Variants in SIGLEC12 observed in about 807,000 individuals in gnomAD.
SIGLEC12 encodes sialic acid-binding Ig-like lectin 12.
Under a neutral mutation model 54.1 loss-of-function variants are expected in SIGLEC12, and 43 were observed. The observed-to-expected ratio is 0.80, with a 90% CI of 0.62 to 1.03. SIGLEC12 has a LOEUF of 1.03. SIGLEC12 is among the 50% of genes least tolerant of loss of function. The probability of loss-of-function intolerance (pLI) is 0.00; values close to 1 mark genes in which losing one functional copy is unlikely to be tolerated. For missense variants in SIGLEC12, 802 were observed against 735.2 expected, an observed-to-expected ratio of 1.09 and a Z score of -1.05; for synonymous variants, 357 against 307.6, an observed-to-expected ratio of 1.16 and a Z score of -1.68.
intron 1 of SIGLEC12, among the ~76,000 whole-genome samples, chr19:51,500,945 G>A (rs991538277): frequency 5.9e-5 from 9 of 152,126 alleles, no homozygotes; most frequent in South Asian, 2.1e-4. Context: ...TAATTGTCTC[G>A]CTGCATGGGT....
chr19:51,501,599 G>A lies in SIGLEC12; in HGVS notation c.135C>T (p.Ser45=). The stretch of plus-strand genomic sequence containing the variant: ...TCCAGCCATTTTGGGGGTAGGAGAA[G>A]GAGCAAAGCACAGAGACACACAGGC... ...QEGLCVSVLC[S]FSYPQNGWTA... is the part of the protein sequence containing the mutation. The change falls in exon 1 of 8, where the codon TCC becomes TCT. Residue 45 remains serine (S), a synonymous_variant. Transcript: ENST00000291707. 1 of 1,614,096 alleles carries A rather than the reference G, an allele frequency of 6.2e-7. No individual in the cohort carries two copies. Among genetic ancestry groups the A allele is most frequent in the Non-Finnish European group, 8.5e-7 (1 of 1,179,976 alleles).
At chr19:51,499,845 T>G (rs1990344568) in intron 2 of SIGLEC12, 75 bp downstream of exon 2, 2 of 1,548,852 alleles carry the variant, frequency 1.3e-6, no homozygotes, top group Non-Finnish European at 1.7e-6. Context: ...CCTCCCAGGA[T>G]GGGGGTCCCA....
In SIGLEC12 at chr19:51,497,354, G is replaced by T. The variant is rs774896262; in HGVS notation, c.1497C>A (p.Phe499Leu). The T allele has an allele frequency of 6.2e-7, 1 of 1,612,996 alleles. No homozygotes were observed. The highest frequency in any genetic ancestry group is 2.2e-5 in the East Asian group (1 of 44,852). Residue 499 changes from phenylalanine (F) to leucine (L), a missense_variant, in exon 6 of 8, where the codon TTC becomes TTA. By Grantham distance (22) the Phe-to-Leu change is conservative. Coordinates refer to ENST00000291707, the MANE Select transcript of SIGLEC12 (RefSeq NM_053003.4). ...ALVFLYFCII[F>L]VVVRSCRKKS... ...TCCCCAGGGTCAATGCTCACACAAC[G>T]AAGATGATGCAGAAGTACAGGAAGA... is the stretch of plus-strand genomic sequence containing the variant.
intron 7 of SIGLEC12, among the ~76,000 whole-genome samples, chr19:51,496,152 T>A (rs1256174571): frequency 1.3e-5 from 2 of 152,120 alleles, no homozygotes; most frequent in African/African-American, 4.8e-5. Context: ...ACACAATATT[T>A]AAAAAATCAA....
At chr19:51,491,869 G>A in intron 7 of SIGLEC12, 40 bp from the exon 8 acceptor site, 1 of 1,468,804 alleles carries the variant, frequency 6.8e-7, no homozygotes, top group Non-Finnish European at 9.1e-7. Flanking sequence ...CAGAGCAGTG[G>A]GGCCAGCATG....
chr19:51,499,272 C>G (rs774857515), intron 3 of SIGLEC12, 55 bp from the exon 4 acceptor site: 3 of 1,604,652 alleles, frequency 1.9e-6, no homozygotes, highest in South Asian at 2.2e-5. Flanking sequence ...GACACTGACC[C>G]TGTCTCCCCA....
rs1990350506 is a variant in SIGLEC12, at chr19:51,500,035, G to A, written c.693C>T (p.Cys231=). ...LLLGDPQTNN[C]SLSIRDARKG... ...TCCTGGCATCTCTGATGCTCAGGGA[G>A]CAGTTGTTGGTCTGTGGGTCCCCAA... Residue 231 remains cysteine (C), a synonymous_variant, in exon 2 of 8, where the codon TGC becomes TGT. Transcript: ENST00000291707. 1 of 1,614,062 alleles carries A rather than the reference G, an allele frequency of 6.2e-7. No individual in the cohort carries two copies. Among genetic ancestry groups the A allele is most frequent in the South Asian group, 1.1e-5 (1 of 91,086 alleles).
At chr19:51,492,500 G>A (rs949850619) in intron 7 of SIGLEC12, among the ~76,000 whole-genome samples, 1 of 152,110 alleles carries the variant, frequency 6.6e-6, no homozygotes, top group Admixed American at 6.6e-5. Context: ...AAATGTCCAT[G>A]CCCTAATCCC....
rs770457851 is a variant in SIGLEC12, at chr19:51,496,901, A to G, written c.1578T>C (p.Ala526=). Residue 526 remains alanine (A), a synonymous_variant, in exon 7 of 8, where the codon GCT becomes GCC. Transcript: ENST00000291707. The part of the protein sequence containing the change: ...VGDTGMEDAN[A]VRGSASQGPL... Reference sequence around the variant, plus strand: ...TCACCTGAGAGGCTGAGCCCCTGACAGCGTTTGCGTCCTCCATGCCTGTAT... The same window carrying G: ...TCACCTGAGAGGCTGAGCCCCTGACGGCGTTTGCGTCCTCCATGCCTGTAT... 1.8e-5 allele frequency: 29 copies of G among 1,614,068 alleles called. No individual in the cohort carries two copies. Among genetic ancestry groups the G allele is most frequent in the Middle Eastern group, 1.7e-4 (1 of 5,972 alleles).
intron 7 of SIGLEC12, among the ~76,000 whole-genome samples, chr19:51,496,419 C>T (rs375064043): frequency 3.1e-4 from 47 of 152,038 alleles, no homozygotes; most frequent in Non-Finnish European, 5.7e-4. Context: ...GAGCTGAGAT[C>T]GCACCATCGC....
At chr19:51,496,716 G>C (rs1354280246) in intron 7 of SIGLEC12, among the ~76,000 whole-genome samples, 164 bp downstream of exon 7, 1 of 152,148 alleles carries the variant, frequency 6.6e-6, no homozygotes, top group African/African-American at 2.4e-5. Flanking sequence ...GGGTCAGGAT[G>C]GGATGGGGAG....
intron 7 of SIGLEC12, among the ~76,000 whole-genome samples, chr19:51,493,967 A>G (rs1262564361): frequency 6.6e-6 from 1 of 152,210 alleles, no homozygotes; most frequent in African/African-American, 2.4e-5. Context: ...ACACAGGCTC[A>G]ACTTCTCCAA....
Position 51,500,275 on chromosome 19 carries a change from G to C in SIGLEC12, c.453C>G (p.Tyr151Ter). The change falls in exon 2 of 8, where the codon TAC becomes TAG. Residue 151 changes from tyrosine to a stop codon, truncating the protein, a stop_gained. Transcript: ENST00000291707. LOFTEE classifies it high-confidence loss of function. Reference sequence around the variant, plus strand: ...TCACCGACTCTGGCACCTCCAGCCTGTATCTTGACAGTAGGTCCTGGGACG... The same window carrying C: ...TCACCGACTCTGGCACCTCCAGCCTCTATCTTGACAGTAGGTCCTGGGACG... ...VTASQDLLSRYRLEVPESVTV... is the reference protein window; with the variant it reads ...VTASQDLLSR The C allele has an allele frequency of 6.2e-7, 1 of 1,614,214 alleles. No homozygotes were observed. Among genetic ancestry groups the C allele is most frequent in the East Asian group, 2.2e-5 (1 of 44,880 alleles).
intron 1 of SIGLEC12, 79 bp from the exon 2 acceptor site, chr19:51,500,379 A>G (rs1990364926): frequency 5.0e-6 from 8 of 1,610,566 alleles, no homozygotes; most frequent in Middle Eastern, 1.7e-4. Flanking sequence ...AGCATCTCTG[A>G]GGCAGAGGCT....
chr19:51,496,850 G>A, intron 7 of SIGLEC12, 30 bp downstream of exon 7: 6 of 1,610,424 alleles, frequency 3.7e-6, no homozygotes, highest in African/African-American at 1.3e-5. Flanking sequence ...GAAAGCAGGG[G>A]AGAAGGGCTG....
chr19:51,492,525 T>A (rs1413916037), intron 7 of SIGLEC12, among the ~76,000 whole-genome samples: 3 of 152,172 alleles, frequency 2.0e-5, no homozygotes, highest in Non-Finnish European at 4.4e-5. Flanking sequence ...AACCTGTTGA[T>A]CTGTTACCTT....
chr19:51,492,051 T>C (rs1245919922), intron 7 of SIGLEC12, among the ~76,000 whole-genome samples: 1 of 152,192 alleles, frequency 6.6e-6, no homozygotes, highest in Non-Finnish European at 1.5e-5. Context: ...AGTAAGATAT[T>C]ATTATTGTCT....
In SIGLEC12 at chr19:51,499,963, C is replaced by T; in HGVS notation, c.765G>A (p.Arg255=). The T allele has an allele frequency of 1.2e-6, 2 of 1,613,976 alleles. No homozygotes were observed. Among genetic ancestry groups the T allele is most frequent in the Non-Finnish European group, 1.7e-6 (2 of 1,179,920 alleles). The change falls in exon 2 of 8, where the codon AGG becomes AGA. Residue 255 remains arginine (R), a synonymous_variant. Coordinates refer to ENST00000291707, the MANE Select transcript of SIGLEC12 (RefSeq NM_053003.4). ...GCTTGTCATATATGTAGTTCCATTT[C>T]CTGCTTCCTCTCTCCACCTGGAAGT... ...KYYFQVERGS[R]KWNYIYDKLS...
intron 4 of SIGLEC12, 132 bp from the exon 5 acceptor site, chr19:51,498,419 G>C: frequency 6.9e-6 from 5 of 722,418 alleles, no homozygotes; most frequent in Non-Finnish European, 6.6e-6. Context: ...CACGTTCACT[G>C]CTCACTGTTG....
Sources: allele counts gnomAD v4.1 joint callset (sites outside exome capture counted in the v4.1 genomes callset), GRCh38; gene constraint gnomAD v4.1.1; transcripts MANE v1.5; gene names NCBI Gene and HGNC (gene_info 2026-07-23, HGNC 2026-07-21).